Variants in SPAG16 observed in about 807,000 individuals in gnomAD.
The protein encoded by SPAG16 is sperm-associated antigen 16 protein.
In SPAG16, 86 loss-of-function variants were observed where a neutral mutation model predicts 80.4. The observed-to-expected ratio is 1.07, with a 90% CI of 0.90 to 1.28. SPAG16 has a LOEUF of 1.28. Ranked by LOEUF, SPAG16 falls within the 50% of genes most tolerant of loss-of-function variation. SPAG16 has a pLI of 0.00. For synonymous variants in SPAG16, 294 were observed against 265.9 expected (o/e 1.11, Z -1.03); for missense variants, 870 against 765.3 (o/e 1.14, Z -1.61).
intron 10 of SPAG16, among the ~76,000 whole-genome samples, chr2:213,713,824 G>A (rs2066112820): frequency 6.6e-6 from 1 of 152,276 alleles, no homozygotes; most frequent in Admixed American, 6.5e-5. Flanking sequence ...AGCTTGAAAA[G>A]CAATGAACTT....
At position 214,277,085 on chromosome 2, in the gene SPAG16, C is replaced by T. The variant is rs377291411; in HGVS notation, c.1720+127819C>T. ...TTCTTCCACTTGATCGAATCGGCTA[C>T]TGAAGCTTGTGCATGTGTCACGTAG... On this transcript the variant is annotated intron_variant, in intron 15 of 15. Transcript: ENST00000331683. 2.0e-5 allele frequency among the ~76,000 whole-genome samples: 3 copies of T among 152,102 alleles called. No individual in the cohort carries two copies. The East Asian group carries it at 5.8e-4, about 29-fold the overall frequency.
chr2:213,523,735 G>A (rs2075777993), intron 10 of SPAG16, among the ~76,000 whole-genome samples: 1 of 152,174 alleles, frequency 6.6e-6, no homozygotes, highest in African/African-American at 2.4e-5. Context: ...TGAAGCAAAG[G>A]TGATTCTTGT....
chr2:213,378,703 C>T (rs897480082), intron 9 of SPAG16, among the ~76,000 whole-genome samples: 5 of 152,160 alleles, frequency 3.3e-5, no homozygotes, highest in Non-Finnish European at 7.4e-5. Context: ...TGATTACTAC[C>T]TTGTTCTATC....
chr2:213,615,809 C>CAT (rs1473124501), intron 10 of SPAG16, among the ~76,000 whole-genome samples: 1 of 151,494 alleles, frequency 6.6e-6, no homozygotes, highest in Non-Finnish European at 1.5e-5. Context: ...TAGCTAATAG[C>CAT]ATATATATAT....
chr2:213,983,767 A>AG (rs1186065156), intron 12 of SPAG16, among the ~76,000 whole-genome samples: 1 of 152,032 alleles, frequency 6.6e-6, no homozygotes, highest in African/African-American at 2.4e-5. Context: ...CCATCACAAT[A>AG]GGGGGTGTTG....
At chr2:214,365,383 A>G (rs913646572) in intron 15 of SPAG16, among the ~76,000 whole-genome samples, 1 of 152,198 alleles carries the variant, frequency 6.6e-6, no homozygotes, top group African/African-American at 2.4e-5. Context: ...GCAGCCTTTA[A>G]TAATGACTGC....
intron 15 of SPAG16, among the ~76,000 whole-genome samples, chr2:214,244,447 T>C (rs1689701305): frequency 6.6e-6 from 1 of 151,298 alleles, no homozygotes; most frequent in Admixed American, 6.6e-5. Context: ...TAAATTACTC[T>C]CCATGTTTAT....
rs894933422 is a variant in SPAG16, at chr2:214,000,875, C to T, written c.1401-13076C>T. On this transcript the variant is annotated intron_variant, in intron 12 of 15. Coordinates refer to ENST00000331683, the MANE Select transcript of SPAG16 (RefSeq NM_024532.5). The stretch of plus-strand genomic sequence containing the variant: ...CAATCAAGCCCCTGGATAACCTAAG[C>T]GTTTTCGCCTTCATTTCAGCCAGGC... 3.3e-5 allele frequency among the ~76,000 whole-genome samples: 5 copies of T among 152,008 alleles called. No individual in the cohort carries two copies. In the East Asian group the frequency reaches 7.7e-4, roughly 23 times the overall value.
At chr2:213,839,838 A>G (rs2074281266) in intron 10 of SPAG16, among the ~76,000 whole-genome samples, 1 of 152,152 alleles carries the variant, frequency 6.6e-6, no homozygotes. Context: ...GTTTAAAATA[A>G]CTTTTTGAAA....
intron 15 of SPAG16, among the ~76,000 whole-genome samples, chr2:214,250,753 T>TAG (rs747802708): frequency 0.067 from 6,667 of 98,940 alleles, 212 homozygotes; most frequent in Non-Finnish European, 0.083. Flanking sequence ...TATATATATA[T>TAG]ATATAGAGAG....
At chr2:214,354,808 A>G (rs1021342143) in intron 15 of SPAG16, among the ~76,000 whole-genome samples, 26 of 152,042 alleles carry the variant, frequency 1.7e-4, no homozygotes, top group African/African-American at 5.8e-4. Flanking sequence ...TTTGTCTGTT[A>G]TTGGTGTATA....
At chr2:213,284,892 G>C (rs1254393535) in intron 1 of SPAG16, 8 of 424,834 alleles carry the variant, frequency 1.9e-5, no homozygotes, top group Middle Eastern at 3.5e-4. Context: ...AGTACATTTT[G>C]GATGGAGGGT....
At chr2:213,751,870 A>G (rs1425742928) in intron 10 of SPAG16, among the ~76,000 whole-genome samples, 1 of 152,200 alleles carries the variant, frequency 6.6e-6, no homozygotes, top group Non-Finnish European at 1.5e-5. Flanking sequence ...TCTCAGGCCC[A>G]GTTTTTTTAC....
At chr2:214,109,747 A>T (rs1481163020) in intron 14 of SPAG16, among the ~76,000 whole-genome samples, 1 of 152,178 alleles carries the variant, frequency 6.6e-6, no homozygotes, top group Admixed American at 6.6e-5. Flanking sequence ...TGAGCCAATT[A>T]GTTGGAAAGT....
intron 12 of SPAG16, among the ~76,000 whole-genome samples, chr2:213,980,725 T>TATATATATATATATATATATAGAGAG (rs374274176): frequency 1.7e-4 from 18 of 103,974 alleles, no homozygotes; most frequent in Admixed American, 2.1e-4. Context: ...TATATATATA[T>TATATATATATATATATATATAGAGAG]AGAGAGAGAG....
intron 10 of SPAG16, among the ~76,000 whole-genome samples, chr2:213,593,416 A>G (rs532173264): frequency 1.4e-4 from 21 of 152,224 alleles, no homozygotes; most frequent in Admixed American, 5.2e-4. Flanking sequence ...CCCATCATCT[A>G]TGTCTCATTT....
chr2:213,471,192 T>C (rs189252757), intron 9 of SPAG16, among the ~76,000 whole-genome samples: 97 of 152,274 alleles, frequency 6.4e-4, no homozygotes, highest in African/African-American at 2.3e-3. Flanking sequence ...CTTCTCTTCC[T>C]CTTTCAACTG....
chr2:214,009,024 A>G lies in SPAG16; in HGVS notation c.1401-4927A>G, dbSNP rs113043631. Among the ~76,000 whole-genome samples the G allele has an allele frequency of 5.7e-3, 861 of 152,270 alleles. 4 individuals are homozygous for G. The highest frequency in any genetic ancestry group is 9.7e-3 in the Non-Finnish European group (657 of 68,026). On this transcript the variant is annotated intron_variant, in intron 12 of 15. Transcript: ENST00000331683. The stretch of plus-strand genomic sequence containing the variant: ...ATATGCAGTAAATTATCTCCACTTC[A>G]CCCAGGATTAAACTCCAGAGTATTC...
chr2:214,014,127 T>C, intron 13 of SPAG16, 50 bp downstream of exon 13: 1 of 1,599,290 alleles, frequency 6.3e-7, no homozygotes, highest in Non-Finnish European at 8.5e-7. Flanking sequence ...GTCTGATTAC[T>C]CTCGGTCATT....
Sources: allele counts gnomAD v4.1 joint callset (sites outside exome capture counted in the v4.1 genomes callset), GRCh38; gene constraint gnomAD v4.1.1; transcripts MANE v1.5; gene names NCBI Gene and HGNC (gene_info 2026-07-23, HGNC 2026-07-21).